The following AUTS2 variants were observed in gnomAD, a reference collection of about 807,000 sequenced individuals.
The protein encoded by AUTS2 is activator of transcription and developmental regulator AUTS2.
Under a neutral mutation model 112.4 loss-of-function variants are expected in AUTS2, and 17 were observed. The ratio of observed to expected loss-of-function variants is 0.15; its 90% CI spans 0.10 to 0.23. The LOEUF (loss-of-function observed/expected upper bound fraction) is 0.23, where lower values mean the gene tolerates loss of function less well. Among genes scored for constraint, AUTS2 ranks in the 10% least tolerant of loss-of-function variants. The probability of loss-of-function intolerance (pLI) is 1.00; values close to 1 mark genes in which losing one functional copy is unlikely to be tolerated. For missense variants in AUTS2, 1,510 were observed against 1,701.6 expected (o/e 0.89, Z 1.98); for synonymous variants, 751 against 702.7 (o/e 1.07, Z -1.09).
chr7:70,019,209 T>C (rs1484035949), intron 2 of AUTS2, among the ~76,000 whole-genome samples: 1 of 152,132 alleles, frequency 6.6e-6, no homozygotes, highest in East Asian at 1.9e-4. Context: ...GGAAACTAAA[T>C]GATGAGAACA....
intron 4 of AUTS2, among the ~76,000 whole-genome samples, chr7:70,367,217 G>T (rs1252166455): frequency 6.6e-6 from 1 of 152,062 alleles, no homozygotes; most frequent in Non-Finnish European, 1.5e-5. Context: ...GAGCCAAGAT[G>T]GTGCCACTGC....
intron 1 of AUTS2, among the ~76,000 whole-genome samples, chr7:69,840,626 C>A (rs968224328): frequency 6.6e-6 from 1 of 152,118 alleles, no homozygotes; most frequent in Admixed American, 6.6e-5. Context: ...GAGTGTAAAA[C>A]ACTGAACAAA....
Position 69,806,197 on chromosome 7 carries a change from C to CTTTT in AUTS2, c.310-93061_310-93058dup, listed in dbSNP as rs56704400. ...TGGGAGCCACCATGCCCAGCCAAGG[C>CTTTT]TTTTTTTTTTTTTTTTTTTTTTTTT... On this transcript the variant is annotated intron_variant, in intron 1 of 18. Transcript: ENST00000342771. Among the ~76,000 whole-genome samples, 54 of 55,020 alleles carry CTTTT rather than the reference C, an allele frequency of 9.8e-4. 1 individual carries two copies. Among genetic ancestry groups the CTTTT allele is most frequent in the African/African-American group, 1.1e-3 (18 of 16,134 alleles). The allele number at this position is 55,020 out of a possible 152,430, so 36.1% of individuals were successfully genotyped here.
At chr7:69,630,591 G>T (rs1794184037) in intron 1 of AUTS2, among the ~76,000 whole-genome samples, 1 of 152,192 alleles carries the variant, frequency 6.6e-6, no homozygotes. Flanking sequence ...TTAACAGTTT[G>T]TCAGGCCCAC....
intron 1 of AUTS2, among the ~76,000 whole-genome samples, chr7:69,675,387 T>C (rs1796511845): frequency 6.6e-6 from 1 of 152,170 alleles, no homozygotes; most frequent in South Asian, 2.1e-4. Context: ...AGTGAAACTT[T>C]TTAAGATTTT....
intron 2 of AUTS2, among the ~76,000 whole-genome samples, chr7:69,982,381 C>T (rs1021829753): frequency 2.0e-5 from 3 of 152,114 alleles, no homozygotes; most frequent in Non-Finnish European, 2.9e-5. Flanking sequence ...TAGAATTTGT[C>T]TAAGAAAGAT....
chr7:70,427,112 A>G (rs1346640389), intron 4 of AUTS2, among the ~76,000 whole-genome samples: 1 of 151,844 alleles, frequency 6.6e-6, no homozygotes. Context: ...TGTCTTCCTG[A>G]TAGTAACACT....
At chr7:69,676,736 T>C (rs1796582791) in intron 1 of AUTS2, among the ~76,000 whole-genome samples, 1 of 152,192 alleles carries the variant, frequency 6.6e-6, no homozygotes, top group South Asian at 2.1e-4. Flanking sequence ...ACTTCTCTTT[T>C]TAGTTAATTT....
Position 70,744,509 on chromosome 7 carries a change from C to T in AUTS2, c.743-18361C>T, listed in dbSNP as rs895992613. Reference sequence around the variant, plus strand: ...CTAAAAGCCTTCCACAGTGCCTTGACGAGGAGGACATATAAGGAAGAGGCA... The same window carrying T: ...CTAAAAGCCTTCCACAGTGCCTTGATGAGGAGGACATATAAGGAAGAGGCA... On this transcript the variant is annotated intron_variant, in intron 6 of 18. Coordinates refer to ENST00000342771, the MANE Select transcript of AUTS2 (RefSeq NM_015570.4). Among the ~76,000 whole-genome samples the T allele has an allele frequency of 2.4e-4, 36 of 152,100 alleles. 1 individual carries two copies. Among genetic ancestry groups the T allele is most frequent in the Admixed American group, 2.1e-3 (32 of 15,270 alleles).
intron 5 of AUTS2, among the ~76,000 whole-genome samples, chr7:70,535,038 A>AC (rs201985301): frequency 0.018 from 2,688 of 151,718 alleles, 36 homozygotes; most frequent in Non-Finnish European, 0.029. Flanking sequence ...ATTTCATAAA[A>AC]AAAAAAAAAA....
intron 1 of AUTS2, among the ~76,000 whole-genome samples, chr7:69,747,879 C>T (rs538166924): frequency 6.6e-6 from 1 of 151,360 alleles, no homozygotes; most frequent in African/African-American, 2.4e-5. Flanking sequence ...CTCTGTTAGG[C>T]CATTTTTTAA....
rs10556263 is a variant in AUTS2, at chr7:70,751,892, G to GT, written c.743-10966dup. ...CGTGACACCACACCACCTAATTTTTGTTTTTTTTTTTTAGTAGAGACAGAG... is the reference window on the plus strand; with the variant it reads ...CGTGACACCACACCACCTAATTTTTGTTTTTTTTTTTTTAGTAGAGACAGAG... On this transcript the variant is annotated intron_variant, in intron 6 of 18. Coordinates refer to ENST00000342771, the MANE Select transcript of AUTS2 (RefSeq NM_015570.4). Among the ~76,000 whole-genome samples, 997 of 142,442 alleles carry GT rather than the reference G, an allele frequency of 7.0e-3. 13 individuals carry two copies. Among genetic ancestry groups the GT allele is most frequent in the African/African-American group, 0.019 (731 of 39,334 alleles). 93.4% of individuals were successfully genotyped at this position (142,442 alleles called of 152,430 possible). A position where few individuals can be genotyped will look rare whatever the true frequency, so the allele number is the denominator to read the frequency against.
intron 1 of AUTS2, among the ~76,000 whole-genome samples, chr7:69,752,485 G>A (rs879460360): frequency 2.6e-5 from 4 of 152,174 alleles, no homozygotes; most frequent in Non-Finnish European, 5.9e-5. Context: ...GTGAATAACT[G>A]CCCCTGAATG....
Position 70,046,998 on chromosome 7 carries a change from A to G in AUTS2, c.523-71134A>G, listed in dbSNP as rs533866289. Among the ~76,000 whole-genome samples, 564 of 152,306 alleles carry G rather than the reference A, an allele frequency of 3.7e-3. 4 individuals are homozygous for G. Among genetic ancestry groups the G allele is most frequent in the Middle Eastern group, 0.01 (3 of 294 alleles). On this transcript the variant is annotated intron_variant, in intron 2 of 18. Transcript: ENST00000342771. The stretch of plus-strand genomic sequence containing the variant: ...CAGTTGGTTTTTTATTGTGCCGAAT[A>G]AAATTTGTAATCTGGTTTAGACTCT...
intron 4 of AUTS2, among the ~76,000 whole-genome samples, chr7:70,434,257 C>G (rs1795798628): frequency 6.6e-6 from 1 of 152,200 alleles, no homozygotes; most frequent in Non-Finnish European, 1.5e-5. Flanking sequence ...TACCTCTTTT[C>G]CCATCTTTAG....
intron 3 of AUTS2, among the ~76,000 whole-genome samples, chr7:70,121,369 C>G (rs1461074346): frequency 1.3e-5 from 2 of 152,044 alleles, no homozygotes; most frequent in South Asian, 2.1e-4. Context: ...TTAAAAACTT[C>G]TCACACCAAA....
intron 5 of AUTS2, among the ~76,000 whole-genome samples, chr7:70,619,805 C>T (rs1018054857): frequency 6.6e-6 from 1 of 152,158 alleles, no homozygotes; most frequent in Non-Finnish European, 1.5e-5. Flanking sequence ...CACCCCCATG[C>T]TATCACTGTC....
chr7:69,753,839 C>T (rs1787840322), intron 1 of AUTS2, among the ~76,000 whole-genome samples: 1 of 152,196 alleles, frequency 6.6e-6, no homozygotes, highest in Non-Finnish European at 1.5e-5. Context: ...GAAGAGCTGG[C>T]AGTCTCCCTG....
At chr7:70,072,532 G>A (rs1376279633) in intron 2 of AUTS2, among the ~76,000 whole-genome samples, 1 of 152,164 alleles carries the variant, frequency 6.6e-6, no homozygotes, top group African/African-American at 2.4e-5. Context: ...TGAAAGTAAT[G>A]TGCTGACATC....
Sources: gnomAD v4.1 joint callset for allele counts (sites outside exome capture counted in the v4.1 genomes callset) on GRCh38, gnomAD v4.1.1 for gene constraint, MANE v1.5 for transcripts, NCBI Gene and HGNC (gene_info 2026-07-23, HGNC 2026-07-21) for gene names.